Variants in PAX9 observed in about 807,000 individuals in gnomAD.
PAX9 encodes the protein paired box protein Pax-9.
A neutral mutation model predicts 29.1 loss-of-function variants in PAX9; 6 were observed. The ratio of observed to expected loss-of-function variants is 0.21; its 90% confidence interval spans 0.11 to 0.41. The LOEUF (loss-of-function observed/expected upper bound fraction) is 0.41. Ranked by LOEUF, PAX9 falls within the 10% of genes least tolerant of loss-of-function variation. PAX9 has a pLI of 1.00. For missense variants in PAX9, 443 were observed against 479.1 expected, an observed-to-expected ratio of 0.92 and a Z score of 0.70; for synonymous variants, 217 against 211.7, an observed-to-expected ratio of 1.03 and a Z score of -0.22.
chr14:36,663,659 C>G (rs1042965162), intron 2 of PAX9, 136 bp downstream of exon 2: 1 of 1,116,984 alleles, frequency 9.0e-7, no homozygotes, highest in Non-Finnish European at 1.3e-6. Context: ...CGTAAGGAGT[C>G]TTCCTAGGGG....
chr14:36,662,949 G>A lies in PAX9; in HGVS notation c.57G>A (p.Arg19=), dbSNP rs771813254. Residue 19 remains arginine (R), a synonymous_variant, in exon 2 of 4, where the codon AGG becomes AGA. Coordinates refer to ENST00000361487, the MANE Select transcript of PAX9 (RefSeq NM_001372076.1). ...TGGGAGGAGTGTTCGTGAACGGGAG[G>A]CCGCTGCCCAACGCCATCCGGCTTC... ...NQLGGVFVNG[R]PLPNAIRLRI... is the part of the protein sequence containing the mutation. The A allele has an allele frequency of 2.5e-6, 4 of 1,613,192 alleles. No homozygotes were observed. In the Admixed American group the frequency reaches 5.0e-5, roughly 20 times the overall value.
chr14:36,667,142 C>A (rs1881535728), intron 3 of PAX9, among the ~76,000 whole-genome samples: 2 of 152,160 alleles, frequency 1.3e-5, no homozygotes, highest in African/African-American at 4.8e-5. Flanking sequence ...GCCAATCCTG[C>A]GGAGAGGGGC....
chr14:36,661,780 A>T (rs539974376), upstream of PAX9: 1 of 496,002 alleles, frequency 2.0e-6, no homozygotes, highest in African/African-American at 2.0e-5. Context: ...CGCACCAATC[A>T]CCATGCAGCT....
At chr14:36,676,040 T>G (rs1475260735) in intron 3 of PAX9, among the ~76,000 whole-genome samples, 158 bp from the exon 4 acceptor site, 1 of 152,208 alleles carries the variant, frequency 6.6e-6, no homozygotes, top group Admixed American at 6.5e-5. Context: ...GTGAATGTCT[T>G]TAGAATATAA....
rs760959243 is a variant in PAX9, at chr14:36,663,295, G to A, written c.403G>A (p.Ala135Thr). 1 of 1,614,174 alleles carries A rather than the reference G, an allele frequency of 6.2e-7. No individual in the cohort carries two copies. Among genetic ancestry groups the A allele is most frequent in the East Asian group, 2.2e-5 (1 of 44,872 alleles). ...RILRNKIGNLAQQGHYDSYKQ... is the reference protein window; with the variant it reads ...RILRNKIGNLTQQGHYDSYKQ... ...TCTGCGCAACAAGATCGGCAACTTG[G>A]CCCAGCAGGGTCATTACGACTCATA... is the stretch of plus-strand genomic sequence containing the variant. Residue 135 changes from alanine (A) to threonine (T), a missense_variant, in exon 2 of 4, where the codon GCC (alanine) becomes ACC (threonine). Transcript: ENST00000361487.
Position 36,678,311 on chromosome 14 carries a change from A to C in PAX9, c.*1859A>C. ...AGTGACTGCTTTTTTCAGACAGCAGATATCTTATAGAGAGCTTTGAACTGC... is the reference window on the plus strand; with the variant it reads ...AGTGACTGCTTTTTTCAGACAGCAGCTATCTTATAGAGAGCTTTGAACTGC... On this transcript the variant is annotated 3_prime_UTR_variant, in exon 4 of 4. Coordinates refer to ENST00000361487, the MANE Select transcript of PAX9 (RefSeq NM_001372076.1). The C allele has an allele frequency of 1.8e-6, 1 of 566,756 alleles. No individual in the cohort carries two copies. Among genetic ancestry groups the C allele is most frequent in the Middle Eastern group, 2.7e-4 (1 of 3,740 alleles). 35.1% of individuals were successfully genotyped at this position (566,756 alleles called of 1,614,324 possible).
chr14:36,666,415 C>G lies in PAX9; in HGVS notation c.632-47C>G, dbSNP rs756156852. On this transcript the variant is annotated intron_variant, in intron 2 of 3. Transcript: ENST00000361487. ...TTTGGGTCCCGTCTCAAGAGTGGGG[C>G]GCGCGGGCTGGGCCTCCGGCCTGAC... 8 of 1,591,866 alleles carry G rather than the reference C, an allele frequency of 5.0e-6. No individual in the cohort carries two copies. In the East Asian group the frequency reaches 1.8e-4, roughly 36 times the overall value.
At chr14:36,660,517 T>C (rs1407878430), upstream of PAX9, among the ~76,000 whole-genome samples, 1 of 152,240 alleles carries the variant, frequency 6.6e-6, no homozygotes, top group Non-Finnish European at 1.5e-5. Flanking sequence ...TCTGTTCCTT[T>C]GCAGAAGCAT....
chr14:36,673,504 G>A (rs1041839898), intron 3 of PAX9, among the ~76,000 whole-genome samples: 5 of 34,988 alleles, frequency 1.4e-4, no homozygotes, highest in Non-Finnish European at 2.7e-4. Context: ...AAAGTTCAAT[G>A]CAGCATGTCT....
At chr14:36,659,568 CACCCAGT>C (rs1164531858), upstream of PAX9, among the ~76,000 whole-genome samples, 1 of 152,222 alleles carries the variant, frequency 6.6e-6, no homozygotes, top group Non-Finnish European at 1.5e-5. Flanking sequence ...ATGCCAAGAG[CACCCAGT>C]ACCTGCAACC....
chr14:36,664,899 T>C (rs1472222678), intron 2 of PAX9, among the ~76,000 whole-genome samples: 1 of 152,078 alleles, frequency 6.6e-6, no homozygotes, highest in Non-Finnish European at 1.5e-5. Flanking sequence ...GGAGCCATAG[T>C]TGGAGAGAGT....
At chr14:36,676,151 C>T (rs1324855791) in intron 3 of PAX9, 47 bp from the exon 4 acceptor site, 2 of 1,600,736 alleles carry the variant, frequency 1.2e-6, no homozygotes, top group South Asian at 2.2e-5. Flanking sequence ...GTGAAATGTT[C>T]ACTCCTATAA....
Position 36,663,446 on chromosome 14 carries a change from C to G in PAX9, c.554C>G (p.Ser185Trp), listed in dbSNP as rs370477014. ...CCCGGGGTGCCTGCCATCCCCGGTT[C>G]GGTGGCCATGCCGCGCACCTGGCCC... Reference protein sequence around the residue: ...TPPGVPAIPGSVAMPRTWPSS... With the variant: ...TPPGVPAIPGWVAMPRTWPSS... Residue 185 changes from serine to tryptophan, a missense_variant, in exon 2 of 4, where the codon TCG becomes TGG. By Grantham distance (177) the Ser-to-Trp change is radical (BLOSUM62 -3). This residue lies in a region of PAX9 where 336 missense variants were observed against 317.2 expected (regional missense o/e 1.06). Coordinates refer to ENST00000361487, the MANE Select transcript of PAX9 (RefSeq NM_001372076.1). 8 of 1,612,826 alleles carry G rather than the reference C, an allele frequency of 5.0e-6. No individual in the cohort carries two copies. The highest frequency in any genetic ancestry group is 6.8e-6 in the Non-Finnish European group (8 of 1,179,752).
chr14:36,666,693 C>G, intron 3 of PAX9, 92 bp downstream of exon 3: 4 of 1,470,778 alleles, frequency 2.7e-6, no homozygotes, highest in Non-Finnish European at 3.7e-6. Context: ...CTGAGCTTCC[C>G]GCGAGAGAAG....
rs1347621035 is a variant in PAX9 at position 36,678,021 on chromosome 14, T to C, written c.*1569T>C. 6.5e-6 allele frequency: 1 copy of C among 154,374 alleles called. No homozygotes were observed. 9.6% of individuals were successfully genotyped at this position (154,374 alleles called of 1,614,324 possible). Reference sequence around the variant, plus strand: ...TAGGACATTGGTACAATTCAGCTGTTGGAAAATTAATATATTGAGGGTTTT... The same window carrying C: ...TAGGACATTGGTACAATTCAGCTGTCGGAAAATTAATATATTGAGGGTTTT... On this transcript the variant is annotated 3_prime_UTR_variant, in exon 4 of 4. Coordinates refer to ENST00000361487, the MANE Select transcript of PAX9 (RefSeq NM_001372076.1).
Position 36,676,543 on chromosome 14 carries a change from G to A in PAX9, c.*91G>A. 1 of 1,445,146 alleles carries A rather than the reference G, an allele frequency of 6.9e-7. No individual in the cohort carries two copies. The highest frequency in any genetic ancestry group is 1.2e-5 in the South Asian group (1 of 84,694). The allele number at this position is 1,445,146 out of a possible 1,614,324, so 89.5% of individuals were successfully genotyped here. ...CCAGGTCTCACATCCCACCCCTCCT[G>A]CCCTCCAACCCTTCTGCCTTGAAAG... On this transcript the variant is annotated 3_prime_UTR_variant, in exon 4 of 4. Transcript: ENST00000361487.
intron 2 of PAX9, 125 bp from the exon 3 acceptor site, chr14:36,666,337 C>A: frequency 7.5e-7 from 1 of 1,326,124 alleles, no homozygotes; most frequent in Non-Finnish European, 1.0e-6. Flanking sequence ...CCTCGGGAGG[C>A]CAAGGGCAGG....
At chr14:36,670,505 A>G (rs913986867) in intron 3 of PAX9, among the ~76,000 whole-genome samples, 2 of 152,056 alleles carry the variant, frequency 1.3e-5, no homozygotes, top group African/African-American at 4.8e-5. Context: ...GTCCTTGTGG[A>G]TGTACTATTC....
In PAX9 at chr14:36,676,793, C is replaced by T. The variant is rs1395814227; in HGVS notation, c.*341C>T. On this transcript the variant is annotated 3_prime_UTR_variant, in exon 4 of 4. Transcript: ENST00000361487. The stretch of plus-strand genomic sequence containing the variant: ...TTTACAAACTAGTCTTTGGTAAAAC[C>T]ACATGTGTATATTTATTCTAAATCA... The T allele has an allele frequency of 8.8e-6, 3 of 340,744 alleles. No individual in the cohort carries two copies. The highest frequency in any genetic ancestry group is 1.7e-5 in the Non-Finnish European group (3 of 178,588). The allele number at this position is 340,744 out of a possible 1,614,324, so 21.1% of individuals were successfully genotyped here.
Sources: gnomAD v4.1 joint callset for allele counts (sites outside exome capture counted in the v4.1 genomes callset) on GRCh38, gnomAD v4.1.1 for gene constraint, gnomAD v4.1.1 regional missense constraint, MANE v1.5 for transcripts, NCBI Gene and HGNC (gene_info 2026-07-23, HGNC 2026-07-21) for gene names.